Variants in BCAS3 observed in about 807,000 individuals in gnomAD.
BCAS3 encodes BCAS4/BCAS3 fusion.
A neutral mutation model predicts 116.1 loss-of-function variants in BCAS3; 53 were observed. That is an observed-to-expected ratio of 0.46 (90% CI 0.37 to 0.57). The LOEUF (loss-of-function observed/expected upper bound fraction) is 0.57, where lower values mean the gene tolerates loss of function less well. BCAS3 is among the 20% of genes least tolerant of loss of function. BCAS3 has a pLI of 0.00. For synonymous variants in BCAS3, 391 were observed against 408.2 expected (o/e 0.96, Z 0.51); for missense variants, 917 against 1,165.4 (o/e 0.79, Z 3.10).
chr17:60,973,135 T>G (rs2062068955), intron 14 of BCAS3, among the ~76,000 whole-genome samples: 1 of 152,112 alleles, frequency 6.6e-6, no homozygotes, highest in Non-Finnish European at 1.5e-5. Context: ...GCTGCTGGTC[T>G]TGGCTGAATG....
chr17:61,107,924 CA>C (rs2074778930), intron 22 of BCAS3, among the ~76,000 whole-genome samples: 1 of 152,192 alleles, frequency 6.6e-6, no homozygotes, highest in Non-Finnish European at 1.5e-5. Flanking sequence ...TTTAATTTTT[CA>C]AGAAACTTCC....
intron 22 of BCAS3, among the ~76,000 whole-genome samples, chr17:61,264,408 C>G (rs1284215678): frequency 7.5e-6 from 1 of 133,116 alleles, no homozygotes; most frequent in African/African-American, 2.7e-5. Context: ...ATAGGTAAGT[C>G]TTTTTTTTTT....
rs1422176483 is a variant in BCAS3, at chr17:61,366,129, T to G, written c.2426-2198T>G. Among the ~76,000 whole-genome samples, 4 of 127,302 alleles carry G rather than the reference T, an allele frequency of 3.1e-5. No homozygotes were observed. The highest frequency in any genetic ancestry group is 1.2e-4 in the African/African-American group (4 of 33,086). 83.5% of individuals were successfully genotyped at this position (127,302 alleles called of 152,430 possible). A position where few individuals can be genotyped will look rare whatever the true frequency, so the allele number is the denominator to read the frequency against. On this transcript the variant is annotated intron_variant, in intron 22 of 23. Transcript: ENST00000407086. The surrounding 1 kb of genome is among the most constrained non-coding windows in gnomAD (Gnocchi z 4.5). ...CTGCACTCCATCCTGGGCGACAGAG[T>G]GAGACTGTCTCAAAAAAAAAAAAAA...
intron 7 of BCAS3, among the ~76,000 whole-genome samples, chr17:60,825,880 C>T (rs1342437366): frequency 7.7e-6 from 1 of 130,362 alleles, no homozygotes; most frequent in South Asian, 2.3e-4. Context: ...TTTTTTGAGA[C>T]GAAGTCTCGC....
rs1196133422 is a variant in BCAS3 at position 61,130,714 on chromosome 17, A to C, written c.2425+46150A>C. On this transcript the variant is annotated intron_variant, in intron 22 of 23. Coordinates refer to ENST00000407086, the MANE Select transcript of BCAS3 (RefSeq NM_017679.5). The surrounding 1 kb of genome is among the most constrained non-coding windows in gnomAD (Gnocchi z 5.0). ...CTAATCAAACTGACCTTTTTAGTTT[A>C]GCTGGGCTCCAACCAGTTCTGTTCT... 1 of 152,260 alleles carries C rather than the reference A, an allele frequency of 6.6e-6. No individual in the cohort carries two copies. The highest frequency in any genetic ancestry group is 1.9e-4 in the East Asian group (1 of 5,198). 9.4% of individuals were successfully genotyped at this position (152,260 alleles called of 1,614,324 possible).
chr17:60,824,891 C>T (rs1195304462), intron 7 of BCAS3, among the ~76,000 whole-genome samples: 1 of 152,106 alleles, frequency 6.6e-6, no homozygotes, highest in Admixed American at 6.6e-5. Context: ...TTGGGCTGGG[C>T]GCAGTGGCTC....
At chr17:60,932,611 G>A (rs1181614730) in intron 13 of BCAS3, among the ~76,000 whole-genome samples, 3 of 151,704 alleles carry the variant, frequency 2.0e-5, no homozygotes, top group South Asian at 2.1e-4. Flanking sequence ...GCGTGGTGGC[G>A]GGCACCTGTA....
In BCAS3 at chr17:61,087,488, A is replaced by G. The variant is rs111912469; in HGVS notation, c.2425+2924A>G. ...TCCTTTGACAATTATAACAGTTTTT[A>G]AAGTGAAAATATTTTATTTAAATCT... is the stretch of plus-strand genomic sequence containing the variant. On this transcript the variant is annotated intron_variant, in intron 22 of 23. Transcript: ENST00000407086. The surrounding 1 kb of genome is among the most constrained non-coding windows in gnomAD (Gnocchi z 4.6). 4 of 152,482 alleles carry G rather than the reference A, an allele frequency of 2.6e-5. No homozygotes were observed. Among genetic ancestry groups the G allele is most frequent in the African/African-American group, 9.6e-5 (4 of 41,478 alleles). 9.4% of individuals were successfully genotyped at this position (152,482 alleles called of 1,614,324 possible). A position where few individuals can be genotyped will look rare whatever the true frequency, so the allele number is the denominator to read the frequency against.
intron 22 of BCAS3, among the ~76,000 whole-genome samples, chr17:61,108,741 A>G (rs1157247918): frequency 6.6e-6 from 1 of 151,654 alleles, no homozygotes; most frequent in Non-Finnish European, 1.5e-5. Context: ...CCAATGTGTC[A>G]TATTTTATCC....
At chr17:60,774,095 T>G (rs981239784) in intron 6 of BCAS3, among the ~76,000 whole-genome samples, 1 of 152,270 alleles carries the variant, frequency 6.6e-6, no homozygotes, top group African/African-American at 2.4e-5. Context: ...TTCCTCTGCA[T>G]GGATTTTAGC....
At position 61,186,193 on chromosome 17, in the gene BCAS3, T is replaced by C. The variant is rs2079765810; in HGVS notation, c.2425+101629T>C. Among the ~76,000 whole-genome samples the C allele has an allele frequency of 6.6e-6, 1 of 152,190 alleles. No homozygotes were observed. Among genetic ancestry groups the C allele is most frequent in the South Asian group, 2.1e-4 (1 of 4,830 alleles). Reference sequence around the variant, plus strand: ...ATATATTCATACACATTCTATAAAATCATTTTTAACCCGTATGTTAAGGTT... The same window carrying C: ...ATATATTCATACACATTCTATAAAACCATTTTTAACCCGTATGTTAAGGTT... On this transcript the variant is annotated intron_variant, in intron 22 of 23. Coordinates refer to ENST00000407086, the MANE Select transcript of BCAS3 (RefSeq NM_017679.5). The surrounding 1 kb of genome is among the most constrained non-coding windows in gnomAD (Gnocchi z 4.9).
At chr17:61,216,477 A>T (rs2081793028) in intron 22 of BCAS3, among the ~76,000 whole-genome samples, 1 of 152,168 alleles carries the variant, frequency 6.6e-6, no homozygotes, top group Non-Finnish European at 1.5e-5. Flanking sequence ...TATAGTATGT[A>T]TCATTGTACC....
chr17:60,868,432 G>A (rs1005100171), intron 7 of BCAS3, 144 bp from the exon 8 acceptor site: 4 of 505,700 alleles, frequency 7.9e-6, no homozygotes, highest in Non-Finnish European at 9.8e-6. Flanking sequence ...GATGTATTAT[G>A]ATCATTTTTG....
chr17:60,778,666 T>G (rs1272773768), intron 6 of BCAS3, among the ~76,000 whole-genome samples: 1 of 152,240 alleles, frequency 6.6e-6, no homozygotes, highest in Non-Finnish European at 1.5e-5. Context: ...CTACAGTCTA[T>G]AAATCTTTAA....
intron 22 of BCAS3, among the ~76,000 whole-genome samples, chr17:61,331,352 T>C (rs1236460511): frequency 6.6e-6 from 1 of 152,222 alleles, no homozygotes; most frequent in East Asian, 1.9e-4. Context: ...GATCTGTTTC[T>C]GACAGGATAT....
At position 61,343,479 on chromosome 17, in the gene BCAS3, A is replaced by G. The variant is rs1159959816; in HGVS notation, c.2426-24848A>G. Among the ~76,000 whole-genome samples the G allele has an allele frequency of 6.6e-6, 1 of 152,232 alleles. No homozygotes were observed. Among genetic ancestry groups the G allele is most frequent in the East Asian group, 1.9e-4 (1 of 5,194 alleles). On this transcript the variant is annotated intron_variant, in intron 22 of 23. Coordinates refer to ENST00000407086, the MANE Select transcript of BCAS3 (RefSeq NM_017679.5). The surrounding 1 kb of genome is among the most constrained non-coding windows in gnomAD (Gnocchi z 5.5). ...GAGCTTTTTAAAGATACAGATGCCC[A>G]GGCCCCAAACTTTTGCCCCAGAAGT...
chr17:60,786,702 C>T (rs1160182076), intron 6 of BCAS3, among the ~76,000 whole-genome samples: 2 of 151,946 alleles, frequency 1.3e-5, no homozygotes, highest in Non-Finnish European at 2.9e-5. Context: ...CATGATTGTG[C>T]CCATGTTTGC....
At chr17:61,060,462 G>A (rs1386568713) in intron 19 of BCAS3, among the ~76,000 whole-genome samples, 2 of 152,004 alleles carry the variant, frequency 1.3e-5, no homozygotes, top group African/African-American at 4.8e-5. Context: ...TAACATGGAT[G>A]ATACATATAG....
chr17:60,750,177 AAG>A (rs2042335055), intron 6 of BCAS3, among the ~76,000 whole-genome samples: 1 of 152,146 alleles, frequency 6.6e-6, no homozygotes, highest in African/African-American at 2.4e-5. Context: ...AAAAAAAAAA[AAG>A]AAAATTAATC....
Sources: allele counts gnomAD v4.1 joint callset (sites outside exome capture counted in the v4.1 genomes callset), GRCh38; gene constraint gnomAD v4.1.1; non-coding constraint Gnocchi (gnomAD v3.1); transcripts MANE v1.5; gene names NCBI Gene and HGNC (gene_info 2026-07-23, HGNC 2026-07-21).